The following PBXIP1 variants were observed in gnomAD, a reference collection of about 807,000 sequenced individuals.
PBXIP1 encodes the protein pre-B-cell leukemia transcription factor-interacting protein 1.
PBXIP1 carries 73 observed loss-of-function variants against 73.7 expected under a neutral mutation model. That is an observed-to-expected ratio of 0.99 (90% CI 0.82 to 1.20). PBXIP1 has a LOEUF of 1.20. Among genes scored for constraint, PBXIP1 ranks in the 50% most tolerant of loss-of-function variants. The pLI is 0.00. For missense variants in PBXIP1, 818 were observed against 911.4 expected (o/e 0.90, Z 1.32); for synonymous variants, 330 against 366.9 (o/e 0.90, Z 1.15).
intron 10 of PBXIP1, 95 bp from the exon 11 acceptor site, chr1:154,945,212 T>C (rs1478835813): frequency 1.1e-6 from 1 of 909,096 alleles, no homozygotes; most frequent in Non-Finnish European, 1.7e-6. Context: ...TGAAGCTGAC[T>C]TGAGCAGGCA....
chr1:154,956,063 C>T lies in PBXIP1; in HGVS notation c.-37+6G>A, dbSNP rs565589387. 2.0e-5 allele frequency: 3 copies of T among 152,446 alleles called. No individual in the cohort carries two copies. Among genetic ancestry groups the T allele is most frequent in the South Asian group, 2.1e-4 (1 of 4,836 alleles). The allele number at this position is 152,446 out of a possible 1,614,324, so 9.4% of individuals were successfully genotyped here. ...TCTGTGGACCCCTTCCCAGCTAAGG[C>T]ATTACCTGAACCAGCTCTTGCTTCG... On this transcript the variant is annotated splice_donor_region_variant and intron_variant, in intron 1 of 10. Transcript: ENST00000368463.
At chr1:154,955,647 C>A (rs1184703719) in intron 1 of PBXIP1, among the ~76,000 whole-genome samples, 1 of 152,130 alleles carries the variant, frequency 6.6e-6, no homozygotes, top group South Asian at 2.1e-4. Flanking sequence ...AGATCTTTTT[C>A]TTTTCATCGA....
At chr1:154,954,250 AGCC>A (rs1462620307) in intron 1 of PBXIP1, among the ~76,000 whole-genome samples, 5 of 152,258 alleles carry the variant, frequency 3.3e-5, no homozygotes, top group African/African-American at 7.2e-5. Flanking sequence ...GGCCTCCTTC[AGCC>A]CTAAGTGTCC....
At position 154,952,389 on chromosome 1, in the gene PBXIP1, G is replaced by A. The variant is rs375146417; in HGVS notation, c.52-468C>T. On this transcript the variant is annotated intron_variant, in intron 2 of 10. Transcript: ENST00000368463. ...CTCTCAAGCCTTTCTGGCCTTTCCC[G>A]CTGGCCCCTGACACTCCCCCGACAC... 2.1e-4 allele frequency among the ~76,000 whole-genome samples: 32 copies of A among 151,988 alleles called. 1 individual carries two copies. The highest frequency in any genetic ancestry group is 6.8e-4 in the African/African-American group (28 of 41,430).
rs705094 is a variant in PBXIP1 at position 154,944,838 on chromosome 1, G to A, written c.*186C>T. On this transcript the variant is annotated 3_prime_UTR_variant, in exon 11 of 11. Transcript: ENST00000368463. ...TGCATGCATTTGCATAGACGGCAAC[G>A]CAGGTCCAGCTAAGGCCTTTTTCTA... 0.47 allele frequency: 261,346 copies of A among 558,262 alleles called. 68,175 individuals carry two copies. The highest frequency in any genetic ancestry group is 0.89 in the East Asian group (30,889 of 34,576). The allele number at this position is 558,262 out of a possible 1,614,324, so 34.6% of individuals were successfully genotyped here. A position where few individuals can be genotyped will look rare whatever the true frequency, so the allele number is the denominator to read the frequency against.
At chr1:154,948,464 G>A (rs769309819) in intron 5 of PBXIP1, 98 bp from the exon 6 acceptor site, 79 of 861,514 alleles carry the variant, frequency 9.2e-5, no homozygotes, top group Admixed American at 5.4e-4. Context: ...GAGGGAGGTC[G>A]TCAGCCCTGA....
At chr1:154,955,493 C>G (rs984646316) in intron 1 of PBXIP1, among the ~76,000 whole-genome samples, 1 of 152,226 alleles carries the variant, frequency 6.6e-6, no homozygotes, top group Non-Finnish European at 1.5e-5. Flanking sequence ...CTCCTATACT[C>G]TGGGTTCCAA....
chr1:154,947,394 C>T (rs888910304), intron 9 of PBXIP1, 23 bp downstream of exon 9: 1 of 1,613,566 alleles, frequency 6.2e-7, no homozygotes, highest in Non-Finnish European at 8.5e-7. Flanking sequence ...TACCCTAGCC[C>T]AGCCCCTCCT....
chr1:154,948,694 C>G (rs761237309), intron 5 of PBXIP1, among the ~76,000 whole-genome samples: 4 of 152,174 alleles, frequency 2.6e-5, no homozygotes, highest in Non-Finnish European at 5.9e-5. Context: ...AACTCTCTGG[C>G]CACTCCTTCC....
chr1:154,945,717 G>A lies in PBXIP1; in HGVS notation c.1957C>T (p.Arg653Cys), dbSNP rs778399645. 12 of 1,614,112 alleles carry A rather than the reference G, an allele frequency of 7.4e-6. No individual in the cohort carries two copies. The highest frequency in any genetic ancestry group is 1.6e-4 in the Middle Eastern group (1 of 6,082). Residue 653 changes from arginine to cysteine, a missense_variant, in exon 10 of 11, where the codon CGC becomes TGC. Transcript: ENST00000368463. ...TCCACAAAATCCCGGAAGCGGAGGC[G>A]GTCATGACGGAAGATGCCATCCTCA... Reference protein sequence around the residue: ...FGEDGIFRHDRLRFRDFVDAL... With the variant: ...FGEDGIFRHDCLRFRDFVDAL...
chr1:154,944,516 T>TTAA lies in PBXIP1; in HGVS notation c.*507_*508insTTA, dbSNP rs1553247628. On this transcript the variant is annotated 3_prime_UTR_variant, in exon 11 of 11. Transcript: ENST00000368463. ...GGTGAAGCCGTGGGAGAAGCAGGGG[T>TTAA]AAAAAAAAAAAGGGGGGGGACTTCA... The TTAA allele has an allele frequency of 3.6e-5, 5 of 138,002 alleles. No individual in the cohort carries two copies. Among genetic ancestry groups the TTAA allele is most frequent in the African/African-American group, 1.3e-4 (5 of 37,386 alleles). 8.5% of individuals were successfully genotyped at this position (138,002 alleles called of 1,614,324 possible).
Position 154,948,019 on chromosome 1 carries a change from CAG to C in PBXIP1, c.644-16_644-15del. 6.2e-7 allele frequency: 1 copy of C among 1,612,418 alleles called. No individual in the cohort carries two copies. The highest frequency in any genetic ancestry group is 1.3e-5 in the African/African-American group (1 of 74,930). Reference sequence around the variant, plus strand: ...CTGAGAGGCCACCTAAGGACAGAGACAGAGGAGTCTGATGAGGCCCTCGGGGA... The same window carrying C: ...CTGAGAGGCCACCTAAGGACAGAGACAGGAGTCTGATGAGGCCCTCGGGGA... On this transcript the variant is annotated splice_polypyrimidine_tract_variant and intron_variant, in intron 6 of 10. Transcript: ENST00000368463.
chr1:154,944,281 G>A lies in PBXIP1; in HGVS notation c.*743C>T, dbSNP rs574747737. ...GCCAAGGCAGCTGTGAGCAAAAGGA[G>A]AAGTATCAGCTTCTCAAGGGCCTAG... On this transcript the variant is annotated 3_prime_UTR_variant, in exon 11 of 11. Coordinates refer to ENST00000368463, the MANE Select transcript of PBXIP1 (RefSeq NM_020524.4). 1.4e-3 allele frequency: 207 copies of A among 152,418 alleles called. 2 individuals carry two copies. The highest frequency in any genetic ancestry group is 4.8e-3 in the African/African-American group (198 of 41,534). 9.4% of individuals were successfully genotyped at this position (152,418 alleles called of 1,614,324 possible).
intron 9 of PBXIP1, 65 bp downstream of exon 9, chr1:154,947,352 G>A: frequency 6.4e-7 from 1 of 1,569,306 alleles, no homozygotes; most frequent in East Asian, 2.3e-5. Context: ...TTTGGGGGAG[G>A]ATGCTAGGAC....
Position 154,946,354 on chromosome 1 carries a change from C to A in PBXIP1, c.1320G>T (p.Leu440=), listed in dbSNP as rs1182145438. 14 of 1,613,624 alleles carry A rather than the reference C, an allele frequency of 8.7e-6. No homozygotes were observed. Among genetic ancestry groups the A allele is most frequent in the Non-Finnish European group, 1.1e-5 (13 of 1,179,920 alleles). ...AELGHRLAQK[L]QGLENWGQDP... The stretch of plus-strand genomic sequence containing the variant: ...CCTGGCCCCAGTTCTCCAGGCCCTG[C>A]AGTTTCTGGGCCAATCTGTGGCCCA... Residue 440 remains leucine (L), a synonymous_variant, in exon 10 of 11, where the codon CTG becomes CTT. Coordinates refer to ENST00000368463, the MANE Select transcript of PBXIP1 (RefSeq NM_020524.4).
Position 154,944,655 on chromosome 1 carries a change from A to G in PBXIP1, c.*369T>C. ...CAAGGCACCGGTCAGCATGTGGGTC[A>G]AGGGGCCCACTATGGGGACATACAC... On this transcript the variant is annotated 3_prime_UTR_variant, in exon 11 of 11. Coordinates refer to ENST00000368463, the MANE Select transcript of PBXIP1 (RefSeq NM_020524.4). 1 of 179,074 alleles carries G rather than the reference A, an allele frequency of 5.6e-6. No individual in the cohort carries two copies. The highest frequency in any genetic ancestry group is 1.5e-4 in the East Asian group (1 of 6,780). 11.1% of individuals were successfully genotyped at this position (179,074 alleles called of 1,614,324 possible). A position where few individuals can be genotyped will look rare whatever the true frequency, so the allele number is the denominator to read the frequency against.
In PBXIP1 at chr1:154,945,741, C is replaced by T. The variant is rs2101982119; in HGVS notation, c.1933G>A (p.Glu645Lys). Residue 645 changes from glutamate to lysine, a missense_variant, in exon 10 of 11, where the codon GAG becomes AAG. By Grantham distance (56) the Glu-to-Lys change is moderately conservative. Coordinates refer to ENST00000368463, the MANE Select transcript of PBXIP1 (RefSeq NM_020524.4). ...CGGTCATGACGGAAGATGCCATCCT[C>T]ACCAAAGAAAGCAGGTGAGAGGGGT... ...ELPLSPAFFG[E>K]DGIFRHDRLR... is the part of the protein sequence containing the mutation. 4 of 1,614,260 alleles carry T rather than the reference C, an allele frequency of 2.5e-6. No individual in the cohort carries two copies. Among genetic ancestry groups the T allele is most frequent in the East Asian group, 2.2e-5 (1 of 44,890 alleles).
intron 1 of PBXIP1, among the ~76,000 whole-genome samples, chr1:154,954,754 C>T (rs1348149168): frequency 3.3e-5 from 5 of 152,284 alleles, no homozygotes; most frequent in Admixed American, 2.0e-4. Flanking sequence ...GAGAGGGATC[C>T]GCCCCTTCAT....
In PBXIP1 at chr1:154,946,636, GAC is replaced by G. The variant is rs1417106404; in HGVS notation, c.1036_1037del (p.Val346ProfsTer12). The part of the protein sequence containing the change: ...ARLQGLEADC[V>X]RGPDGVCLSG... ...TGAGGCACACCCCATCTGGGCCCCG[GAC>G]ACAGTCGGCCTCCAGCCCCTGGAGC... On this transcript the variant is annotated frameshift_variant, in exon 10 of 11. Coordinates refer to ENST00000368463, the MANE Select transcript of PBXIP1 (RefSeq NM_020524.4). LOFTEE classifies it high-confidence loss of function. The G allele has an allele frequency of 6.2e-7, 1 of 1,612,230 alleles. No homozygotes were observed. The highest frequency in any genetic ancestry group is 8.5e-7 in the Non-Finnish European group (1 of 1,178,782).
Sources: allele counts gnomAD v4.1 joint callset (sites outside exome capture counted in the v4.1 genomes callset), GRCh38; gene constraint gnomAD v4.1.1; transcripts MANE v1.5; gene names NCBI Gene and HGNC (gene_info 2026-07-23, HGNC 2026-07-21).